The following TMEM266 variants were observed in gnomAD, a reference collection of about 807,000 sequenced individuals.
The protein encoded by TMEM266 is transmembrane protein 266.
TMEM266 carries 33 observed loss-of-function variants against 50.5 expected under a neutral mutation model. The ratio of observed to expected loss-of-function variants is 0.65; its 90% CI spans 0.50 to 0.87. The LOEUF (loss-of-function observed/expected upper bound fraction) is 0.87, where lower values mean the gene tolerates loss of function less well. Ranked by LOEUF, TMEM266 falls within the 40% of genes least tolerant of loss-of-function variation. The pLI, the probability that TMEM266 is intolerant of heterozygous loss-of-function variation, is 0.00. For missense variants in TMEM266, 655 were observed against 695.1 expected (o/e 0.94, Z 0.65); for synonymous variants, 310 against 292.3 (o/e 1.06, Z -0.62).
chr15:76,112,363 TA>T (rs1436096814), intron 1 of TMEM266, among the ~76,000 whole-genome samples: 1 of 152,192 alleles, frequency 6.6e-6, no homozygotes, highest in Non-Finnish European at 1.5e-5. Context: ...ATGTTAAAAA[TA>T]GGGGAAACTG....
intron 5 of TMEM266, among the ~76,000 whole-genome samples, chr15:76,163,442 G>C (rs1037554292): frequency 6.6e-6 from 1 of 152,166 alleles, no homozygotes; most frequent in Non-Finnish European, 1.5e-5. Context: ...TCCAAGGTGA[G>C]ACTGGATGCC....
chr15:76,105,940 A>G (rs1341745714), intron 1 of TMEM266, among the ~76,000 whole-genome samples: 1 of 152,214 alleles, frequency 6.6e-6, no homozygotes, highest in Non-Finnish European at 1.5e-5. Flanking sequence ...AGGTTTTCAT[A>G]TGGAAACATG....
chr15:76,080,951 A>T (rs1243233205), intron 1 of TMEM266, among the ~76,000 whole-genome samples: 2 of 135,628 alleles, frequency 1.5e-5, no homozygotes, highest in Non-Finnish European at 3.2e-5. Context: ...AGGTCTCATT[A>T]TGTTGCCCAG....
intron 9 of TMEM266, among the ~76,000 whole-genome samples, chr15:76,197,924 T>A (rs1389729317): frequency 6.6e-6 from 1 of 152,218 alleles, no homozygotes; most frequent in East Asian, 1.9e-4. Context: ...ACCCACATAA[T>A]GAGCATTGGC....
At chr15:76,102,352 A>G (rs563388126) in intron 1 of TMEM266, among the ~76,000 whole-genome samples, 1 of 152,290 alleles carries the variant, frequency 6.6e-6, no homozygotes, top group East Asian at 1.9e-4. Flanking sequence ...AAGAAAAATA[A>G]AGCTGGGAGA....
rs764453174 is a variant in TMEM266 at position 76,204,234 on chromosome 15, G to A, written c.1515G>A (p.Gln505=). 1.2e-6 allele frequency: 2 copies of A among 1,613,990 alleles called. No homozygotes were observed. The highest frequency in any genetic ancestry group is 1.7e-6 in the Non-Finnish European group (2 of 1,179,996). ...AGATCAGGCCTGTCATCCACTTCCAGCCCACTGTGCCCATGCTGGAGGACA... is the reference window on the plus strand; with the variant it reads ...AGATCAGGCCTGTCATCCACTTCCAACCCACTGTGCCCATGCTGGAGGACA... The change falls in exon 11 of 11, where the codon CAG becomes CAA. Residue 505 remains glutamine, a synonymous_variant. Coordinates refer to ENST00000388942, the MANE Select transcript of TMEM266 (RefSeq NM_152335.3).
At chr15:76,064,177 G>A (rs889577773) in intron 1 of TMEM266, among the ~76,000 whole-genome samples, 7 of 152,172 alleles carry the variant, frequency 4.6e-5, no homozygotes, top group African/African-American at 9.7e-5. Context: ...AGGAGCCTAC[G>A]GTCATTCCTA....
intron 8 of TMEM266, chr15:76,175,917 A>G (rs760116606): frequency 7.6e-6 from 3 of 397,222 alleles, no homozygotes; most frequent in Non-Finnish European, 1.4e-5. Flanking sequence ...CCACTGTAGC[A>G]CGGTGACTCT....
At chr15:76,126,275 T>G (rs1295055192) in intron 1 of TMEM266, among the ~76,000 whole-genome samples, 1 of 150,914 alleles carries the variant, frequency 6.6e-6, no homozygotes, top group Non-Finnish European at 1.5e-5. Context: ...ACTCTTACAT[T>G]TATTGCAGCA....
chr15:76,130,610 G>A (rs760249268), intron 1 of TMEM266, among the ~76,000 whole-genome samples: 4 of 152,208 alleles, frequency 2.6e-5, no homozygotes, highest in Non-Finnish European at 4.4e-5. Context: ...CCTTCTCCTC[G>A]TTATCCTTAG....
Position 76,166,175 on chromosome 15 carries a change from C to T in TMEM266, c.457-3641C>T, listed in dbSNP as rs187173043. On this transcript the variant is annotated intron_variant, in intron 5 of 10. Transcript: ENST00000388942. ...GCGGGGCAGGGCAGTGAGGTTCTGT[C>T]CCTGCCTCCGTGGACAGTGGGTCTC... Among the ~76,000 whole-genome samples, 296 of 152,194 alleles carry T rather than the reference C, an allele frequency of 1.9e-3. 1 individual carries two copies. The highest frequency in any genetic ancestry group is 6.8e-3 in the African/African-American group (281 of 41,514).
rs1273740801 is a variant in TMEM266 at position 76,092,510 on chromosome 15, C to T, written c.-97+32494C>T. ...TTTGAGACCAGCCTGGCCAACATGG[C>T]GAAACCCCGTATCTACTAAAAATAC... On this transcript the variant is annotated intron_variant, in intron 1 of 10. Coordinates refer to ENST00000388942, the MANE Select transcript of TMEM266 (RefSeq NM_152335.3). Among the ~76,000 whole-genome samples, 9 of 151,662 alleles carry T rather than the reference C, an allele frequency of 5.9e-5. No homozygotes were observed. In the East Asian group the frequency reaches 7.7e-4, roughly 13 times the overall value.
At chr15:76,157,688 C>A (rs1401957145) in intron 4 of TMEM266, among the ~76,000 whole-genome samples, 3 of 152,152 alleles carry the variant, frequency 2.0e-5, no homozygotes, top group African/African-American at 7.2e-5. Context: ...CCTTCAAATG[C>A]AAATTTAAAA....
At chr15:76,097,662 G>C (rs1028664535) in intron 1 of TMEM266, among the ~76,000 whole-genome samples, 30 of 151,978 alleles carry the variant, frequency 2.0e-4, no homozygotes, top group African/African-American at 7.0e-4. Context: ...GGTTGGGGAA[G>C]TTCTCCCCAA....
At chr15:76,184,423 C>T (rs2038465090) in intron 8 of TMEM266, among the ~76,000 whole-genome samples, 1 of 152,184 alleles carries the variant, frequency 6.6e-6, no homozygotes, top group Non-Finnish European at 1.5e-5. Flanking sequence ...GGGCCAAGGT[C>T]GATCTCAGCT....
At chr15:76,068,553 A>G (rs2036477956) in intron 1 of TMEM266, among the ~76,000 whole-genome samples, 1 of 152,216 alleles carries the variant, frequency 6.6e-6, no homozygotes. Context: ...TTAGGAGATA[A>G]TAAAGGATAA....
chr15:76,129,981 T>C (rs994625238), intron 1 of TMEM266, among the ~76,000 whole-genome samples: 1 of 151,834 alleles, frequency 6.6e-6, no homozygotes, highest in Non-Finnish European at 1.5e-5. Flanking sequence ...TTTAACACTT[T>C]GGGAGGCCAA....
chr15:76,158,857 C>T (rs1417324671), intron 4 of TMEM266, among the ~76,000 whole-genome samples: 1 of 152,228 alleles, frequency 6.6e-6, no homozygotes, highest in African/African-American at 2.4e-5. Flanking sequence ...GAGTCTCCCA[C>T]CTGGAACCTG....
chr15:76,190,135 G>A (rs1375737397), intron 8 of TMEM266, among the ~76,000 whole-genome samples: 1 of 152,222 alleles, frequency 6.6e-6, no homozygotes, highest in Non-Finnish European at 1.5e-5. Flanking sequence ...ATTCAGATAG[G>A]CTGATGCAAC....
Sources: allele counts gnomAD v4.1 joint callset (sites outside exome capture counted in the v4.1 genomes callset), GRCh38; gene constraint gnomAD v4.1.1; transcripts MANE v1.5; gene names NCBI Gene and HGNC (gene_info 2026-07-23, HGNC 2026-07-21).